Variants in C16orf96 observed in about 807,000 individuals in gnomAD.
C16orf96 encodes uncharacterized protein C16orf96.
A neutral mutation model predicts 103.6 loss-of-function variants in C16orf96; 108 were observed. The ratio of observed to expected loss-of-function variants is 1.04; its 90% CI spans 0.89 to 1.22. C16orf96 has a LOEUF of 1.22. Among genes scored for constraint, C16orf96 ranks in the 50% most tolerant of loss-of-function variants. C16orf96 has a pLI of 0.00. For missense variants in C16orf96, 1,586 were observed against 1,464.2 expected (o/e 1.08, Z -1.36); for synonymous variants, 566 against 593.5 (o/e 0.95, Z 0.67).
At chr16:4,567,692 C>CTTTTTTTTTTTTTTTTTT (rs60143866) in intron 1 of C16orf96, among the ~76,000 whole-genome samples, 2 of 44,528 alleles carry the variant, frequency 4.5e-5, no homozygotes, top group African/African-American at 8.6e-5. Context: ...CTTCTGTTGC[C>CTTTTTTTTTTTTTTTTTT]TTTTTTTTTT....
intron 1 of C16orf96, among the ~76,000 whole-genome samples, chr16:4,569,962 C>T (rs560976668): frequency 6.6e-6 from 1 of 152,220 alleles, no homozygotes; most frequent in South Asian, 2.1e-4. Flanking sequence ...ACTCAGCTGC[C>T]CAGTAGATAA....
Position 4,556,526 on chromosome 16 carries a change from A to G in C16orf96, c.37A>G (p.Ile13Val). 3 of 1,540,956 alleles carry G rather than the reference A, an allele frequency of 1.9e-6. No homozygotes were observed. The highest frequency in any genetic ancestry group is 2.6e-6 in the Non-Finnish European group (3 of 1,138,590). The change falls in exon 1 of 16, where the codon ATC (isoleucine) becomes GTC (valine). Residue 13 changes from isoleucine (I) to valine (V), a missense_variant. Coordinates refer to ENST00000444310, the MANE Select transcript of C16orf96 (RefSeq NM_001145011.2). The part of the protein sequence containing the change: ...FSLTFTELAN[I>V]AIPQCGVLNF... ...ACTCACGTTCACCGAGCTGGCCAACATCGCCATCCCACAGTGCGGGGTGCT... is the reference window on the plus strand; with the variant it reads ...ACTCACGTTCACCGAGCTGGCCAACGTCGCCATCCCACAGTGCGGGGTGCT...
chr16:4,599,146 T>A, intron 14 of C16orf96, 138 bp from the exon 15 acceptor site: 8 of 648,276 alleles, frequency 1.2e-5, no homozygotes, highest in Non-Finnish European at 1.6e-5. Context: ...ACATTGATTA[T>A]CCCATAAAGG....
chr16:4,571,499 C>A, intron 1 of C16orf96, 62 bp from the exon 2 acceptor site: 1 of 1,400,610 alleles, frequency 7.1e-7, no homozygotes. Flanking sequence ...AAAGCTTCTG[C>A]ACTTCACTTA....
chr16:4,570,966 C>G (rs572545719), intron 1 of C16orf96, among the ~76,000 whole-genome samples: 10 of 152,150 alleles, frequency 6.6e-5, no homozygotes, highest in African/African-American at 2.4e-4. Flanking sequence ...CTCAGGAATT[C>G]GAGACCAGCC....
intron 6 of C16orf96, 98 bp from the exon 7 acceptor site, chr16:4,579,916 TG>T: frequency 9.9e-7 from 1 of 1,009,758 alleles, no homozygotes; most frequent in Non-Finnish European, 1.5e-6. Flanking sequence ...CAGCCTGGTC[TG>T]GTACATTCTT....
intron 8 of C16orf96, among the ~76,000 whole-genome samples, chr16:4,587,677 G>A (rs1407177604): frequency 6.6e-6 from 1 of 152,130 alleles, no homozygotes; most frequent in Non-Finnish European, 1.5e-5. Flanking sequence ...GCTCATACCT[G>A]TAATCCCAGC....
intron 1 of C16orf96, among the ~76,000 whole-genome samples, chr16:4,565,170 T>TGA (rs1360755633): frequency 9.4e-4 from 142 of 151,222 alleles, no homozygotes; most frequent in Middle Eastern, 3.4e-3. Context: ...AAAGCCCTCT[T>TGA]GAGAGAGAGA....
chr16:4,583,452 G>T (rs893650834), intron 7 of C16orf96, among the ~76,000 whole-genome samples: 3 of 152,188 alleles, frequency 2.0e-5, no homozygotes, highest in African/African-American at 7.2e-5. Flanking sequence ...GTTGCAGTGA[G>T]CTGAGGTCAT....
the C16orf96 span, among the ~76,000 whole-genome samples, chr16:4,545,725 C>T: frequency 1.3e-5 from 2 of 152,184 alleles, no homozygotes; most frequent in Non-Finnish European, 2.9e-5. Context: ...TCTCTATTTT[C>T]CCTTGTTGTA....
At chr16:4,573,438 C>CAAA (rs71139644) in intron 2 of C16orf96, among the ~76,000 whole-genome samples, 6 of 69,742 alleles carry the variant, frequency 8.6e-5, no homozygotes, top group African/African-American at 1.2e-4. Context: ...GACTCCGTCT[C>CAAA]AAAAAAAAAA....
In C16orf96 at chr16:4,593,466, C is replaced by T. The variant is rs1268590766; in HGVS notation, c.2867+150C>T. ...CCAGCCCTTCGCAAGACAGGCACTC[C>T]GAGAGGTGGCTGGGGCGGCAGACAG... is the stretch of plus-strand genomic sequence containing the variant. On this transcript the variant is annotated intron_variant, in intron 12 of 15. Coordinates refer to ENST00000444310, the MANE Select transcript of C16orf96 (RefSeq NM_001145011.2). This position sits in a 1 kb window ranked among gnomAD's most constrained non-coding sequence, Gnocchi z 4.2. The T allele has an allele frequency of 1.4e-5, 10 of 731,646 alleles. No individual in the cohort carries two copies. The Admixed American group carries it at 2.0e-4, about 15-fold the overall frequency. 45.3% of individuals were successfully genotyped at this position (731,646 alleles called of 1,614,324 possible). A position where few individuals can be genotyped will look rare whatever the true frequency, so the allele number is the denominator to read the frequency against.
At chr16:4,547,470 C>T in the C16orf96 span, among the ~76,000 whole-genome samples, 1 of 148,622 alleles carries the variant, frequency 6.7e-6, no homozygotes, top group Non-Finnish European at 1.5e-5. Flanking sequence ...CATTAAATGT[C>T]CAGAATAGGC....
At chr16:4,576,668 G>C in intron 5 of C16orf96, 33 bp downstream of exon 5, 1 of 1,521,390 alleles carries the variant, frequency 6.6e-7, no homozygotes, top group Non-Finnish European at 8.8e-7. Context: ...AAGGGCACAA[G>C]GGAGTGGGGC....
chr16:4,578,213 G>C (rs1171004105), intron 5 of C16orf96, among the ~76,000 whole-genome samples: 1 of 152,156 alleles, frequency 6.6e-6, no homozygotes, highest in East Asian at 1.9e-4. Context: ...CGTGATCACA[G>C]CTCACTGCAG....
At chr16:4,592,592 C>G (rs1897084694) in intron 11 of C16orf96, among the ~76,000 whole-genome samples, 1 of 152,242 alleles carries the variant, frequency 6.6e-6, no homozygotes, top group South Asian at 2.1e-4. Flanking sequence ...CAAGTCCATA[C>G]ACATCCATGT....
At chr16:4,558,978 G>A (rs1026465326) in intron 1 of C16orf96, among the ~76,000 whole-genome samples, 6 of 151,718 alleles carry the variant, frequency 4.0e-5, no homozygotes, top group East Asian at 1.9e-4. Context: ...CCAGCTACTC[G>A]GGAGGCTGAG....
intron 1 of C16orf96, among the ~76,000 whole-genome samples, chr16:4,570,701 C>A (rs2059428620): frequency 6.6e-6 from 1 of 152,088 alleles, no homozygotes; most frequent in Admixed American, 6.6e-5. Context: ...CTCCTGGCCT[C>A]ATGTTCTGCC....
At chr16:4,546,109 A>G in the C16orf96 span, among the ~76,000 whole-genome samples, 3 of 150,824 alleles carry the variant, frequency 2.0e-5, no homozygotes, top group African/African-American at 7.3e-5. Flanking sequence ...TGGCCTCCCA[A>G]AGTACGGGGA....
Sources: allele counts gnomAD v4.1 joint callset (sites outside exome capture counted in the v4.1 genomes callset), GRCh38; gene constraint gnomAD v4.1.1; non-coding constraint Gnocchi (gnomAD v3.1); transcripts MANE v1.5; gene names NCBI Gene and HGNC (gene_info 2026-07-23, HGNC 2026-07-21).